Variants in GALNT7 observed in about 807,000 individuals in gnomAD.
The protein encoded by GALNT7 is polypeptide N-acetylgalactosaminyltransferase 7, also known as N-acetylgalactosaminyltransferase 7.
GALNT7 carries 60 observed loss-of-function variants against 82.1 expected under a neutral mutation model. The observed-to-expected ratio is 0.73, with a 90% CI of 0.59 to 0.91. The LOEUF is 0.91. Ranked by LOEUF, GALNT7 falls within the 40% of genes least tolerant of loss-of-function variation. The probability of loss-of-function intolerance (pLI) is 0.00; values close to 1 mark genes in which losing one functional copy is unlikely to be tolerated. For missense variants in GALNT7, 660 were observed against 804.2 expected, an observed-to-expected ratio of 0.82 and a Z score of 2.17; for synonymous variants, 243 against 275.1, an observed-to-expected ratio of 0.88 and a Z score of 1.15.
intron 1 of GALNT7, chr4:173,169,213 C>G (rs1445731944): frequency 6.5e-6 from 1 of 152,928 alleles, no homozygotes; most frequent in African/African-American, 2.5e-5. Context: ...CGCCGACACC[C>G]GCGCTGCCGC....
intron 1 of GALNT7, among the ~76,000 whole-genome samples, chr4:173,241,222 A>AAAAG (rs1169052366): frequency 6.2e-5 from 7 of 112,480 alleles, no homozygotes; most frequent in African/African-American, 2.0e-4. Context: ...AAAAAAAAAA[A>AAAAG]AAAGAAAGAA....
At chr4:173,180,781 TCTC>T (rs1262292031) in intron 1 of GALNT7, among the ~76,000 whole-genome samples, 2 of 152,236 alleles carry the variant, frequency 1.3e-5, no homozygotes, top group African/African-American at 2.4e-5. Flanking sequence ...TCTTTACCCT[TCTC>T]CTGGTAGTTT....
chr4:173,255,827 C>A (rs372352710), intron 2 of GALNT7, among the ~76,000 whole-genome samples: 1 of 152,174 alleles, frequency 6.6e-6, no homozygotes, highest in African/African-American at 2.4e-5. Flanking sequence ...GTGTGCATGG[C>A]GGAACACACG....
At chr4:173,214,973 T>C (rs1018549866) in intron 1 of GALNT7, among the ~76,000 whole-genome samples, 4 of 152,186 alleles carry the variant, frequency 2.6e-5, no homozygotes, top group Non-Finnish European at 4.4e-5. Flanking sequence ...ATGCCAGTTC[T>C]TATAGTTAAG....
chr4:173,179,796 A>C (rs1444514414), intron 1 of GALNT7, among the ~76,000 whole-genome samples: 1 of 148,510 alleles, frequency 6.7e-6, no homozygotes, highest in East Asian at 1.9e-4. Context: ...ATAGAAAACA[A>C]AACAAAACAA....
chr4:173,267,244 G>T (rs1735536149), intron 2 of GALNT7, among the ~76,000 whole-genome samples: 1 of 151,940 alleles, frequency 6.6e-6, no homozygotes, highest in African/African-American at 2.4e-5. Context: ...CCTTAGTATG[G>T]CCTAGAAGTA....
At chr4:173,318,901 A>C (rs1737703836) in intron 11 of GALNT7, among the ~76,000 whole-genome samples, 1 of 152,132 alleles carries the variant, frequency 6.6e-6, no homozygotes, top group African/African-American at 2.4e-5. Context: ...TAAATGAATC[A>C]TTCATTAAAG....
rs1380427578 is a variant in GALNT7, at chr4:173,248,517, A to T, written c.587+77A>T. 3.4e-6 allele frequency: 3 copies of T among 870,412 alleles called. No homozygotes were observed. The East Asian group carries it at 7.4e-5, about 21-fold the overall frequency. 53.9% of individuals were successfully genotyped at this position (870,412 alleles called of 1,614,324 possible). On this transcript the variant is annotated intron_variant, in intron 2 of 11. Transcript: ENST00000265000. ...GGTTTTTAGGTTTAGTTAGATTGTT[A>T]GAATGAAGAAATAATTATTGATGCC...
intron 1 of GALNT7, among the ~76,000 whole-genome samples, chr4:173,174,284 A>G (rs1370862815): frequency 1.3e-5 from 2 of 152,310 alleles, no homozygotes; most frequent in East Asian, 3.9e-4. Flanking sequence ...GTTGATAATC[A>G]GAAGCTTTCA....
intron 1 of GALNT7, among the ~76,000 whole-genome samples, chr4:173,234,062 A>C (rs1046080633): frequency 6.6e-6 from 1 of 152,164 alleles, no homozygotes; most frequent in Non-Finnish European, 1.5e-5. Flanking sequence ...CTTCAACTTC[A>C]CGTTACCAAA....
intron 2 of GALNT7, among the ~76,000 whole-genome samples, chr4:173,288,544 C>T (rs989393348): frequency 1.3e-5 from 2 of 151,978 alleles, no homozygotes; most frequent in Non-Finnish European, 2.9e-5. Flanking sequence ...TCCATCTATC[C>T]AGGCAGAAGT....
intron 1 of GALNT7, among the ~76,000 whole-genome samples, chr4:173,214,315 C>T (rs1030100844): frequency 2.7e-5 from 4 of 150,890 alleles, no homozygotes; most frequent in Non-Finnish European, 5.9e-5. Context: ...CTTAAGAGAC[C>T]ACATTGTGGT....
At chr4:173,280,734 G>A (rs1736081688) in intron 2 of GALNT7, among the ~76,000 whole-genome samples, 1 of 152,142 alleles carries the variant, frequency 6.6e-6, no homozygotes, top group African/African-American at 2.4e-5. Flanking sequence ...CTTCTTATTA[G>A]AACTTATTAC....
chr4:173,240,905 A>G (rs983412494), intron 1 of GALNT7, among the ~76,000 whole-genome samples: 7 of 152,160 alleles, frequency 4.6e-5, no homozygotes, highest in Admixed American at 1.3e-4. Flanking sequence ...GTGGGGGGTT[A>G]GAAACAGGGG....
intron 1 of GALNT7, among the ~76,000 whole-genome samples, chr4:173,236,020 T>C (rs887533063): frequency 1.3e-5 from 2 of 152,184 alleles, no homozygotes; most frequent in Non-Finnish European, 2.9e-5. Flanking sequence ...ACCTGGTACA[T>C]AGTAGGTACT....
chr4:173,263,113 C>T (rs72999543), intron 2 of GALNT7, among the ~76,000 whole-genome samples: 14,056 of 152,150 alleles, frequency 0.092, 1,210 homozygotes, highest in African/African-American at 0.23. Context: ...ATAGTATCTT[C>T]ATATGATCAG....
intron 6 of GALNT7, among the ~76,000 whole-genome samples, chr4:173,300,778 A>C (rs77969362): frequency 1.1e-3 from 161 of 152,234 alleles, no homozygotes; most frequent in Admixed American, 7.1e-3. Context: ...GGAAAGTCCA[A>C]GCAGTGTTGG....
rs1366332645 is a variant in GALNT7, at chr4:173,292,999, A to G, written c.754+725A>G. Among the ~76,000 whole-genome samples, 4 of 152,170 alleles carry G rather than the reference A, an allele frequency of 2.6e-5. No individual in the cohort carries two copies. The highest frequency in any genetic ancestry group is 6.5e-5 in the Admixed American group (1 of 15,284). On this transcript the variant is annotated intron_variant, in intron 3 of 11. Transcript: ENST00000265000. This position sits in a 1 kb window ranked among gnomAD's most constrained non-coding sequence, Gnocchi z 4.8. ...CTTTGTTGTGAATTTCTATAACAAT[A>G]ATGTTTTCATTAAAATACTATTTCT... is the stretch of plus-strand genomic sequence containing the variant.
chr4:173,270,195 G>C (rs1298453650), intron 2 of GALNT7, among the ~76,000 whole-genome samples: 1 of 152,150 alleles, frequency 6.6e-6, no homozygotes, highest in Non-Finnish European at 1.5e-5. Flanking sequence ...ATAATTTGGA[G>C]GTACAGGGGA....
Sources: allele counts gnomAD v4.1 joint callset (sites outside exome capture counted in the v4.1 genomes callset), GRCh38; gene constraint gnomAD v4.1.1; non-coding constraint Gnocchi (gnomAD v3.1); transcripts MANE v1.5; gene names NCBI Gene and HGNC (gene_info 2026-07-23, HGNC 2026-07-21).